The following FAXC variants were observed in gnomAD, a reference collection of about 807,000 sequenced individuals.
FAXC encodes failed axon connections homolog, metaxin like GST domain containing, also known as failed axon connections homolog.
Under a neutral mutation model 41.9 loss-of-function variants are expected in FAXC, and 10 were observed. The observed-to-expected ratio is 0.24, with a 90% confidence interval of 0.15 to 0.41. The LOEUF is 0.41. FAXC is among the 10% of genes least tolerant of loss of function. The pLI is 1.00. For missense variants in FAXC, 399 were observed against 510.9 expected (o/e 0.78, Z 2.11); for synonymous variants, 183 against 183.8 (o/e 1.00, Z 0.03).
chr6:99,335,518 C>T (rs986369396), intron 2 of FAXC, among the ~76,000 whole-genome samples: 1 of 152,178 alleles, frequency 6.6e-6, no homozygotes, highest in Non-Finnish European at 1.5e-5. Flanking sequence ...CTTTCACTTA[C>T]CTATTTAGGA....
Position 99,284,909 on chromosome 6 carries a change from T to C in FAXC, c.941-3456A>G, listed in dbSNP as rs923812532. On this transcript the variant is annotated intron_variant, in intron 5 of 5. Coordinates refer to ENST00000389677, the MANE Select transcript of FAXC (RefSeq NM_032511.4). Reference sequence around the variant, plus strand: ...AGCCTGGGAGATAAGAGTGAGCCTCTATCTCAAAAAAAAAAAAAGCCTATA... The same window carrying C: ...AGCCTGGGAGATAAGAGTGAGCCTCCATCTCAAAAAAAAAAAAAGCCTATA... Among the ~76,000 whole-genome samples the C allele has an allele frequency of 2.7e-5, 4 of 147,098 alleles. No individual in the cohort carries two copies. In the East Asian group the frequency reaches 6.0e-4, roughly 22 times the overall value.
chr6:99,288,589 A>C (rs9389197), intron 5 of FAXC, among the ~76,000 whole-genome samples: 9 of 152,196 alleles, frequency 5.9e-5, no homozygotes, highest in Admixed American at 5.9e-4. Flanking sequence ...ATGTGATAAC[A>C]TATTTAGTTT....
At chr6:99,341,532 G>GAA (rs1367256280) in intron 2 of FAXC, among the ~76,000 whole-genome samples, 1 of 152,014 alleles carries the variant, frequency 6.6e-6, no homozygotes, top group African/African-American at 2.4e-5. Flanking sequence ...ATACATACTA[G>GAA]AAAAATAAAC....
intron 2 of FAXC, among the ~76,000 whole-genome samples, chr6:99,334,313 T>C (rs1773138359): frequency 6.6e-6 from 1 of 152,192 alleles, no homozygotes; most frequent in African/African-American, 2.4e-5. Flanking sequence ...CTATTGGGGA[T>C]GTTATAGGGG....
At chr6:99,339,480 T>C (rs1345135973) in intron 2 of FAXC, among the ~76,000 whole-genome samples, 2 of 152,146 alleles carry the variant, frequency 1.3e-5, no homozygotes, top group African/African-American at 2.4e-5. Flanking sequence ...CCAAAATAAC[T>C]AGATAAGTAC....
intron 4 of FAXC, among the ~76,000 whole-genome samples, chr6:99,307,976 T>G (rs1279489046): frequency 1.3e-5 from 2 of 151,920 alleles, no homozygotes; most frequent in Non-Finnish European, 2.9e-5. Flanking sequence ...GATAAAGGAT[T>G]GGGACAAATC....
chr6:99,335,969 A>G (rs565005831), intron 2 of FAXC, among the ~76,000 whole-genome samples: 1 of 152,362 alleles, frequency 6.6e-6, no homozygotes, highest in South Asian at 2.1e-4. Context: ...TTTAAAAAAA[A>G]AGAGACTTAC....
chr6:99,293,706 G>C (rs867416800), intron 4 of FAXC, among the ~76,000 whole-genome samples: 32 of 102,190 alleles, frequency 3.1e-4, no homozygotes, highest in South Asian at 7.4e-4. Flanking sequence ...GTGTGTGTGT[G>C]TGTGTGTCTG....
chr6:99,309,350 C>T (rs1042992805), intron 4 of FAXC, among the ~76,000 whole-genome samples: 1 of 152,070 alleles, frequency 6.6e-6, no homozygotes, highest in African/African-American at 2.4e-5. Context: ...CAGATAGAGC[C>T]TGTCAGAATT....
intron 1 of FAXC, among the ~76,000 whole-genome samples, chr6:99,348,392 TG>T: frequency 6.6e-6 from 1 of 152,350 alleles, no homozygotes; most frequent in East Asian, 1.9e-4. Context: ...CTCCATTTTC[TG>T]GTATTTCCAA....
In FAXC at chr6:99,281,066, C is replaced by T. The variant is rs143962028; in HGVS notation, c.*98G>A. On this transcript the variant is annotated 3_prime_UTR_variant, in exon 6 of 6. Transcript: ENST00000389677. ...TAGCATGTGAAAACTCTGCCAAGCA[C>T]GAAGATCTCCTCCCAGCTCGGATGG... The T allele has an allele frequency of 8.6e-5, 61 of 710,544 alleles. No homozygotes were observed. Among genetic ancestry groups the T allele is most frequent in the African/African-American group, 8.2e-4 (47 of 57,010 alleles). 44.0% of individuals were successfully genotyped at this position (710,544 alleles called of 1,614,324 possible).
Position 99,349,217 on chromosome 6 carries a change from C to T in FAXC, c.156G>A (p.Gly52=), listed in dbSNP as rs752792708. ...IIAFPLQDYG[G]IMAGLGSDPW... is the part of the protein sequence containing the mutation. Reference sequence around the variant, plus strand: ...GATCGGAGCCCAGCCCTGCCATGATCCCACCGTAATCCTGCAAAGGGAAAG... The same window carrying T: ...GATCGGAGCCCAGCCCTGCCATGATTCCACCGTAATCCTGCAAAGGGAAAG... Residue 52 remains glycine, a synonymous_variant, in exon 1 of 6, where the codon GGG becomes GGA. Coordinates refer to ENST00000389677, the MANE Select transcript of FAXC (RefSeq NM_032511.4). 6.2e-7 allele frequency: 1 copy of T among 1,613,976 alleles called. No homozygotes were observed. The highest frequency in any genetic ancestry group is 1.1e-5 in the South Asian group (1 of 91,088).
At chr6:99,311,539 C>T (rs1417861858) in intron 4 of FAXC, among the ~76,000 whole-genome samples, 1 of 152,162 alleles carries the variant, frequency 6.6e-6, no homozygotes, top group Non-Finnish European at 1.5e-5. Context: ...TGTGCCACTG[C>T]ACTCTAGCCT....
chr6:99,338,217 C>A (rs868227864), intron 2 of FAXC, among the ~76,000 whole-genome samples: 1 of 152,268 alleles, frequency 6.6e-6, no homozygotes, highest in Middle Eastern at 3.4e-3. Context: ...AGAAAAACAG[C>A]CCTATACAAT....
At chr6:99,335,861 T>C (rs1773197952) in intron 2 of FAXC, among the ~76,000 whole-genome samples, 1 of 152,174 alleles carries the variant, frequency 6.6e-6, no homozygotes, top group African/African-American at 2.4e-5. Flanking sequence ...GTTTTCATGA[T>C]CAACAATTAT....
At chr6:99,314,570 G>A (rs1164896536) in intron 4 of FAXC, among the ~76,000 whole-genome samples, 5 of 151,784 alleles carry the variant, frequency 3.3e-5, no homozygotes, top group Non-Finnish European at 5.9e-5. Flanking sequence ...TCTTCCCTGG[G>A]CCACCAAACC....
intron 2 of FAXC, among the ~76,000 whole-genome samples, chr6:99,339,761 A>G (rs140781812): frequency 1.3e-5 from 2 of 152,326 alleles, no homozygotes; most frequent in South Asian, 2.1e-4. Context: ...CAGAGAGAGG[A>G]ATGCTTCCAG....
At chr6:99,342,215 C>T (rs1773451854) in intron 2 of FAXC, among the ~76,000 whole-genome samples, 2 of 152,286 alleles carry the variant, frequency 1.3e-5, no homozygotes, top group South Asian at 2.1e-4. Context: ...CTTCTGCCCC[C>T]AAGATTCATG....
chr6:99,334,843 A>C (rs916380139), intron 2 of FAXC, among the ~76,000 whole-genome samples: 1 of 152,092 alleles, frequency 6.6e-6, no homozygotes, highest in Non-Finnish European at 1.5e-5. Context: ...CACATCCACC[A>C]TCTAGCCACT....
Sources: allele counts gnomAD v4.1 joint callset (sites outside exome capture counted in the v4.1 genomes callset), GRCh38; gene constraint gnomAD v4.1.1; transcripts MANE v1.5; gene names NCBI Gene and HGNC (gene_info 2026-07-23, HGNC 2026-07-21).